ANKRA2: variants seen among roughly 807,000 people sequenced by gnomAD.
The protein encoded by ANKRA2 is ankyrin repeat family A protein 2.
In ANKRA2, 33 loss-of-function variants were observed where a neutral mutation model predicts 37.8. That is an observed-to-expected ratio of 0.87 (90% CI 0.66 to 1.17). ANKRA2 has a LOEUF of 1.17. Ranked by LOEUF, ANKRA2 falls within the 50% of genes most tolerant of loss-of-function variation. ANKRA2 has a pLI of 0.00. For missense variants in ANKRA2, 326 were observed against 373.7 expected, an observed-to-expected ratio of 0.87 and a Z score of 1.05; for synonymous variants, 126 against 132.3, an observed-to-expected ratio of 0.95 and a Z score of 0.33.
intron 2 of ANKRA2, 114 bp from the exon 3 acceptor site, chr5:73,561,402 T>C (rs1747550918): frequency 3.0e-6 from 3 of 985,706 alleles, no homozygotes; most frequent in Admixed American, 2.9e-5. Flanking sequence ...AAACTATTTA[T>C]CAAGTGATAC....
At chr5:73,557,404 T>C in intron 4 of ANKRA2, 171 bp downstream of exon 4, 1 of 388,628 alleles carries the variant, frequency 2.6e-6, no homozygotes, top group Non-Finnish European at 4.4e-6. Flanking sequence ...TTTTACGCTT[T>C]ATATTCCTTT....
At chr5:73,557,075 T>G (rs703876) in intron 4 of ANKRA2, among the ~76,000 whole-genome samples, 4 of 149,532 alleles carry the variant, frequency 2.7e-5, no homozygotes, top group African/African-American at 7.4e-5. Context: ...AGTTTTAAGT[T>G]TAAACTTAAA....
intron 6 of ANKRA2, 149 bp downstream of exon 6, chr5:73,554,712 C>T (rs1033467028): frequency 5.0e-5 from 46 of 922,400 alleles, no homozygotes; most frequent in South Asian, 1.2e-4. Context: ...GCTATCCTCC[C>T]GCTTCAGCCT....
Position 73,560,541 on chromosome 5 carries a change from T to A in ANKRA2, c.448+589A>T, listed in dbSNP as rs570576772. On this transcript the variant is annotated intron_variant, in intron 3 of 8. Transcript: ENST00000296785. ...ACGCCTGGCTATTTTTTGAAATTTTTTTATTTTTTATTTTTTGCATTTTTA... is the reference window on the plus strand; with the variant it reads ...ACGCCTGGCTATTTTTTGAAATTTTATTATTTTTTATTTTTTGCATTTTTA... Among the ~76,000 whole-genome samples the A allele has an allele frequency of 3.9e-5, 6 of 152,048 alleles. No homozygotes were observed. The South Asian group carries it at 8.3e-4, about 21-fold the overall frequency.
At chr5:73,558,844 T>G (rs904575097) in intron 3 of ANKRA2, among the ~76,000 whole-genome samples, 19 of 152,190 alleles carry the variant, frequency 1.2e-4, no homozygotes, top group African/African-American at 4.6e-4. Context: ...GAGAATAAAT[T>G]CTTGAGTGTA....
At chr5:73,558,376 CT>C (rs1268038823) in intron 3 of ANKRA2, among the ~76,000 whole-genome samples, 1 of 152,190 alleles carries the variant, frequency 6.6e-6, no homozygotes, top group Middle Eastern at 3.2e-3. Context: ...TGCATCCAAA[CT>C]TATCAGGAAG....
At position 73,565,397 on chromosome 5, in the gene ANKRA2, C is replaced by T. The variant is rs1052729460; in HGVS notation, c.-370G>A. 4.6e-5 allele frequency: 10 copies of T among 218,832 alleles called. No individual in the cohort carries two copies. In the South Asian group the frequency reaches 5.4e-4, roughly 12 times the overall value. 13.6% of individuals were successfully genotyped at this position (218,832 alleles called of 1,614,324 possible). On this transcript the variant is annotated 5_prime_UTR_variant, in exon 1 of 9. Coordinates refer to ENST00000296785, the MANE Select transcript of ANKRA2 (RefSeq NM_023039.5). ...CATCTGAGGCCAGCTTCAGTACAGG[C>T]CTCCAAGCCCGGGCTTGTTTTGGCC...
At chr5:73,553,608 G>C in intron 7 of ANKRA2, 122 bp from the exon 8 acceptor site, 1 of 811,256 alleles carries the variant, frequency 1.2e-6, no homozygotes, top group East Asian at 2.7e-5. Flanking sequence ...AGGATAGTCT[G>C]ACAAAGTACA....
intron 4 of ANKRA2, among the ~76,000 whole-genome samples, chr5:73,556,519 C>T (rs1195175069): frequency 6.6e-6 from 1 of 152,120 alleles, no homozygotes; most frequent in Non-Finnish European, 1.5e-5. Flanking sequence ...AAAAGGAAAG[C>T]CCAGAAGTTC....
Position 73,565,514 on chromosome 5 carries a change from C to G in ANKRA2, c.-487G>C. 2 of 236,522 alleles carry G rather than the reference C, an allele frequency of 8.5e-6. No homozygotes were observed. Among genetic ancestry groups the G allele is most frequent in the South Asian group, 4.3e-5 (1 of 23,296 alleles). 14.7% of individuals were successfully genotyped at this position (236,522 alleles called of 1,614,324 possible). A position where few individuals can be genotyped will look rare whatever the true frequency, so the allele number is the denominator to read the frequency against. ...AACTTTCGGGTTTTCTTTTTTTTGT[C>G]CCTCTCTCCTTTTTTTTAATATTTT... On this transcript the variant is annotated 5_prime_UTR_variant, in exon 1 of 9. Coordinates refer to ENST00000296785, the MANE Select transcript of ANKRA2 (RefSeq NM_023039.5).
rs112042655 is a variant in ANKRA2, at chr5:73,562,992, GA to G, written c.-104-8del. On this transcript the variant is annotated splice_region_variant and splice_polypyrimidine_tract_variant and intron_variant, in intron 1 of 8. Transcript: ENST00000296785. The stretch of plus-strand genomic sequence containing the variant: ...AATCTGGATATTTAAAAATCTGAAA[GA>G]AAAAATTAGAAAATTAAAAGTATTC... The G allele has an allele frequency of 2.7e-4, 263 of 978,034 alleles. No homozygotes were observed. In the African/African-American group the frequency reaches 3.8e-3, roughly 14 times the overall value. 60.6% of individuals were successfully genotyped at this position (978,034 alleles called of 1,614,324 possible).
Position 73,553,442 on chromosome 5 carries a change from A to C in ANKRA2, c.850T>G (p.Ser284Ala). The change falls in exon 8 of 9, where the codon TCT becomes GCT. Residue 284 changes from serine (S) to alanine (A), a missense_variant. Coordinates refer to ENST00000296785, the MANE Select transcript of ANKRA2 (RefSeq NM_023039.5). ...CCTAGGGCTACAGCTAGATCCATAG[A>C]ATTATATCCAGAGTCAGTTTCAATT... ...PTIETDSGYN[S>A]MDLAVALGYR... The C allele has an allele frequency of 6.2e-7, 1 of 1,613,564 alleles. No homozygotes were observed. The highest frequency in any genetic ancestry group is 8.5e-7 in the Non-Finnish European group (1 of 1,179,744).
Position 73,552,309 on chromosome 5 carries a change from T to A in ANKRA2, c.*488A>T, listed in dbSNP as rs1363204793. The A allele has an allele frequency of 6.5e-6, 1 of 152,996 alleles. No homozygotes were observed. The highest frequency in any genetic ancestry group is 6.5e-5 in the Admixed American group (1 of 15,284). 9.5% of individuals were successfully genotyped at this position (152,996 alleles called of 1,614,324 possible). ...CTGAAAGAAATCTTTAATAATCTTA[T>A]ATACTTAAAAAAGTAGTATGCAAAC... On this transcript the variant is annotated 3_prime_UTR_variant, in exon 9 of 9. Transcript: ENST00000296785.
chr5:73,561,350 C>T, intron 2 of ANKRA2, 62 bp from the exon 3 acceptor site: 1 of 1,470,062 alleles, frequency 6.8e-7, no homozygotes, highest in South Asian at 1.2e-5. Context: ...ATGTCAATGT[C>T]TACATTTGAA....
intron 1 of ANKRA2, 135 bp from the exon 2 acceptor site, chr5:73,563,120 G>C (rs1747601016): frequency 3.0e-6 from 1 of 331,506 alleles, no homozygotes; most frequent in Non-Finnish European, 5.5e-6. Flanking sequence ...ATAATGTTCA[G>C]AGGTAGAGAA....
intron 1 of ANKRA2, among the ~76,000 whole-genome samples, chr5:73,564,231 C>T (rs1354998197): frequency 6.6e-6 from 1 of 152,150 alleles, no homozygotes; most frequent in Non-Finnish European, 1.5e-5. Flanking sequence ...TTAGTCCATG[C>T]GTCTTAAAAG....
chr5:73,557,244 A>G (rs181210321), intron 4 of ANKRA2, among the ~76,000 whole-genome samples: 4 of 151,974 alleles, frequency 2.6e-5, no homozygotes, highest in African/African-American at 7.2e-5. Context: ...AATGTAGTGT[A>G]TATTTTCCCT....
At position 73,561,279 on chromosome 5, in the gene ANKRA2, T is replaced by C. The variant is rs550042755; in HGVS notation, c.299A>G (p.Asn100Ser). ...TCCCGGAGAAGGAGATGTATGGATATTGCATTCAGCTAAGTGAAAAACAAA... is the reference window on the plus strand; with the variant it reads ...TCCCGGAGAAGGAGATGTATGGATACTGCATTCAGCTAAGTGAAAAACAAA... Reference protein sequence around the residue: ...VASVLFKAECNIHTSPSPGIQ... With the variant: ...VASVLFKAECSIHTSPSPGIQ... The change falls in exon 3 of 9, where the codon AAT becomes AGT. Residue 100 changes from asparagine (N) to serine (S), a missense_variant. Transcript: ENST00000296785. The C allele has an allele frequency of 3.1e-6, 5 of 1,612,746 alleles. No homozygotes were observed. In the South Asian group the frequency reaches 4.4e-5, roughly 14 times the overall value.
rs1561268431 is a variant in ANKRA2, at chr5:73,554,923, CT to C, written c.675del (p.Gly226AlafsTer16). The C allele has an allele frequency of 6.2e-7, 1 of 1,613,754 alleles. No homozygotes were observed. Among genetic ancestry groups the C allele is most frequent in the Non-Finnish European group, 8.5e-7 (1 of 1,179,792 alleles). ...RESALSLACSKGYTDIVKMLL... is the reference protein window; with the variant it reads ...RESALSLACSXGYTDIVKMLL... ...AGCATTTTGACAATATCTGTGTAGC[CT>C]TTACTACAGGCCAACGACAGTGCAC... On this transcript the variant is annotated frameshift_variant, in exon 6 of 9. Coordinates refer to ENST00000296785, the MANE Select transcript of ANKRA2 (RefSeq NM_023039.5). LOFTEE classifies it high-confidence loss of function.
Sources: allele counts gnomAD v4.1 joint callset (sites outside exome capture counted in the v4.1 genomes callset), GRCh38; gene constraint gnomAD v4.1.1; transcripts MANE v1.5; gene names NCBI Gene and HGNC (gene_info 2026-07-23, HGNC 2026-07-21).